Variants in DACH2 observed in about 807,000 individuals in gnomAD.
DACH2 encodes the protein dachshund family transcription factor 2.
DACH2 carries 17 observed loss-of-function variants against 35.8 expected under a neutral mutation model. The observed-to-expected ratio is 0.48, with a 90% confidence interval of 0.33 to 0.71. The LOEUF (loss-of-function observed/expected upper bound fraction) is 0.71. Ranked by LOEUF, DACH2 falls within the 30% of genes least tolerant of loss-of-function variation. The probability of loss-of-function intolerance (pLI) is 0.02; values close to 1 mark genes in which losing one functional copy is unlikely to be tolerated. For synonymous variants in DACH2, 195 were observed against 177.3 expected, an observed-to-expected ratio of 1.10 and a Z score of -0.79; for missense variants, 469 against 472.7, an observed-to-expected ratio of 0.99 and a Z score of 0.07.
At chrX:86,570,835 T>A (rs1354748197) in intron 3 of DACH2, among the ~76,000 whole-genome samples, 1 of 111,542 alleles carries the variant, frequency 9.0e-6, no homozygotes, top group Non-Finnish European at 1.9e-5. Context: ...TTTATATAGT[T>A]TGGATGGAAG....
chrX:86,588,803 A>G (rs1044074251), intron 3 of DACH2, among the ~76,000 whole-genome samples: 1 of 110,931 alleles, frequency 9.0e-6, no homozygotes, highest in Non-Finnish European at 1.9e-5. Flanking sequence ...TTGTTTTGTC[A>G]GCAAAGAGTT....
chrX:86,535,236 G>C (rs1218479665), intron 3 of DACH2, among the ~76,000 whole-genome samples: 1 of 111,731 alleles, frequency 9.0e-6, no homozygotes, highest in South Asian at 3.7e-4. Context: ...CTGAAAATGA[G>C]AATTCAAAAT....
At chrX:86,519,918 ATT>A (rs927523518) in intron 3 of DACH2, among the ~76,000 whole-genome samples, 1 of 109,903 alleles carries the variant, frequency 9.1e-6, no homozygotes, top group Admixed American at 9.8e-5. Flanking sequence ...TTCAGCTCTG[ATT>A]TTTTTTATTT....
chrX:86,683,124 G>A (rs1330451818), intron 4 of DACH2, among the ~76,000 whole-genome samples: 2 of 110,992 alleles, frequency 1.8e-5, no homozygotes, highest in African/African-American at 6.5e-5. Flanking sequence ...CGTGTTGTAT[G>A]CTTGCCTCTT....
At chrX:86,458,984 G>T (rs1250551768) in intron 2 of DACH2, among the ~76,000 whole-genome samples, 1 of 110,646 alleles carries the variant, frequency 9.0e-6, no homozygotes, top group African/African-American at 3.3e-5. Flanking sequence ...AAAACTGCAC[G>T]CTCTGCACAT....
intron 7 of DACH2, among the ~76,000 whole-genome samples, chrX:86,778,833 A>G (rs1458071578): frequency 1.8e-5 from 2 of 109,241 alleles, no homozygotes; most frequent in Non-Finnish European, 3.8e-5. Flanking sequence ...CTGGTCTTGA[A>G]CTCCTGAACT....
At position 86,782,172 on chromosome X, in the gene DACH2, T is replaced by C. The variant is rs182833194; in HGVS notation, c.1241-30684T>C. 2.3e-4 allele frequency among the ~76,000 whole-genome samples: 26 copies of C among 111,817 alleles called. No individual in the cohort carries two copies. The Admixed American group carries it at 2.4e-3, about 10-fold the overall frequency. ...TATAACGAAAAGTATCAAATGCTGA[T>C]GAAGAAAATTTAAGAGGACACTAAA... is the stretch of plus-strand genomic sequence containing the variant. On this transcript the variant is annotated intron_variant, in intron 7 of 11. Coordinates refer to ENST00000373125, the MANE Select transcript of DACH2 (RefSeq NM_053281.3).
chrX:86,561,863 C>A (rs2039221565), intron 3 of DACH2, among the ~76,000 whole-genome samples: 1 of 69,396 alleles, frequency 1.4e-5, no homozygotes, highest in African/African-American at 6.2e-5. Flanking sequence ...AACTAACCTG[C>A]ACATTGTGCA....
chrX:86,225,306 A>G (rs934441288), intron 1 of DACH2, among the ~76,000 whole-genome samples: 1 of 111,380 alleles, frequency 9.0e-6, no homozygotes, highest in Non-Finnish European at 1.9e-5. Context: ...CTCTACCATT[A>G]CCACATTTGG....
intron 11 of DACH2, chrX:86,828,968 C>A (rs757281762): frequency 8.9e-6 from 1 of 111,860 alleles, no homozygotes; most frequent in Non-Finnish European, 1.9e-5. Context: ...ACAGAAGCAC[C>A]AAGCATCTCC....
chrX:86,648,345 C>T (rs2040438651), intron 3 of DACH2, among the ~76,000 whole-genome samples: 1 of 110,877 alleles, frequency 9.0e-6, no homozygotes, highest in South Asian at 3.7e-4. Flanking sequence ...CTAAGTAACT[C>T]CTGAATCAGC....
chrX:86,316,508 A>T (rs924239058), intron 1 of DACH2, among the ~76,000 whole-genome samples: 2 of 111,593 alleles, frequency 1.8e-5, no homozygotes, highest in Non-Finnish European at 3.8e-5. Context: ...TGTTAGAAGG[A>T]AAGTTTTCTG....
rs144470717 is a variant in DACH2, at chrX:86,761,685, G to A, written c.1240+21803G>A. The stretch of plus-strand genomic sequence containing the variant: ...ATTATAGACTGGATAAAGAAAATCC[G>A]GCATATAAACAACTATTATTTTATT... On this transcript the variant is annotated intron_variant, in intron 7 of 11. Transcript: ENST00000373125. Among the ~76,000 whole-genome samples, 835 of 111,777 alleles carry A rather than the reference G, an allele frequency of 7.5e-3. 7 individuals carry two copies. The highest frequency in any genetic ancestry group is 0.026 in the African/African-American group (794 of 30,756).
At chrX:86,378,316 A>G (rs2035997941) in intron 2 of DACH2, among the ~76,000 whole-genome samples, 1 of 110,495 alleles carries the variant, frequency 9.1e-6, no homozygotes, top group Non-Finnish European at 1.9e-5. Context: ...AAGTATATGT[A>G]TCAAGTCACT....
chrX:86,396,920 T>C, intron 2 of DACH2, among the ~76,000 whole-genome samples: 1 of 111,548 alleles, frequency 9.0e-6, no homozygotes, highest in Admixed American at 9.5e-5. Flanking sequence ...TTTCCAATTC[T>C]GTGAAGAAAG....
chrX:86,354,746 C>G (rs2035612700), intron 1 of DACH2, among the ~76,000 whole-genome samples: 1 of 17,289 alleles, frequency 5.8e-5, no homozygotes, highest in Non-Finnish European at 8.7e-5. Context: ...GTGCAGCGCA[C>G]CAGCATGGCA....
At chrX:86,390,594 T>G (rs2036185148) in intron 2 of DACH2, among the ~76,000 whole-genome samples, 1 of 110,953 alleles carries the variant, frequency 9.0e-6, no homozygotes, top group South Asian at 3.9e-4. Context: ...TAGATTATTA[T>G]TATTTTTTCT....
chrX:86,249,025 C>T (rs749448486), intron 1 of DACH2, among the ~76,000 whole-genome samples: 1 of 111,324 alleles, frequency 9.0e-6, no homozygotes, highest in African/African-American at 3.3e-5. Context: ...AAACTGGACC[C>T]CTTCCTTACA....
intron 2 of DACH2, among the ~76,000 whole-genome samples, chrX:86,469,361 C>A (rs771821897): frequency 9.0e-6 from 1 of 110,598 alleles, no homozygotes; most frequent in Non-Finnish European, 1.9e-5. Context: ...GTGTTCTCAC[C>A]ACAAAAAGGA....
Sources: gnomAD v4.1 joint callset for allele counts (sites outside exome capture counted in the v4.1 genomes callset) on GRCh38, gnomAD v4.1.1 for gene constraint, MANE v1.5 for transcripts, NCBI Gene and HGNC (gene_info 2026-07-23, HGNC 2026-07-21) for gene names.